CSMD3: variants seen among roughly 807,000 people sequenced by gnomAD.
CSMD3 encodes the protein CUB and Sushi multiple domains 3, also known as CUB and sushi domain-containing protein 3.
In CSMD3, 177 loss-of-function variants were observed where a neutral mutation model predicts 435.2. That is an observed-to-expected ratio of 0.41 (90% CI 0.36 to 0.46). CSMD3 has a LOEUF of 0.46. Among genes scored for constraint, CSMD3 ranks in the 20% least tolerant of loss-of-function variants. The pLI, the probability that CSMD3 is intolerant of heterozygous loss-of-function variation, is 0.34. For synonymous variants in CSMD3, 1,656 were observed against 1,520.5 expected, an observed-to-expected ratio of 1.09 and a Z score of -2.07; for missense variants, 4,265 against 4,504.6, an observed-to-expected ratio of 0.95 and a Z score of 1.52.
intron 1 of CSMD3, among the ~76,000 whole-genome samples, chr8:113,340,631 T>C (rs573038313): frequency 6.6e-6 from 1 of 152,206 alleles, no homozygotes; most frequent in East Asian, 1.9e-4. Context: ...TCCCAGCACT[T>C]TGAGAGGCGA....
chr8:113,006,266 T>G (rs2086051505), intron 6 of CSMD3, among the ~76,000 whole-genome samples: 1 of 152,010 alleles, frequency 6.6e-6, no homozygotes, highest in Non-Finnish European at 1.5e-5. Context: ...TCTTGAAGAT[T>G]TGTCTCTATA....
intron 61 of CSMD3, among the ~76,000 whole-genome samples, chr8:112,262,158 T>G (rs553515191): frequency 1.3e-5 from 2 of 152,078 alleles, no homozygotes; most frequent in Non-Finnish European, 2.9e-5. Flanking sequence ...CTGATAAATC[T>G]AGCACTGATT....
chr8:113,292,365 G>C (rs1588454394), intron 2 of CSMD3, among the ~76,000 whole-genome samples: 2 of 151,686 alleles, frequency 1.3e-5, no homozygotes, highest in East Asian at 1.9e-4. Flanking sequence ...TTTTGTAAAT[G>C]ATAAAAATTT....
At chr8:112,347,713 T>C (rs1220663983) in intron 40 of CSMD3, among the ~76,000 whole-genome samples, 3 of 152,224 alleles carry the variant, frequency 2.0e-5, no homozygotes, top group Admixed American at 6.5e-5. Flanking sequence ...ATGAAGTTAG[T>C]ATTTACCAAT....
intron 20 of CSMD3, among the ~76,000 whole-genome samples, chr8:112,644,436 C>T (rs1231161199): frequency 6.6e-6 from 1 of 151,884 alleles, no homozygotes; most frequent in Non-Finnish European, 1.5e-5. Context: ...TTACAGATTC[C>T]TTTCAAAACA....
intron 2 of CSMD3, among the ~76,000 whole-genome samples, chr8:113,304,741 A>T (rs1407489069): frequency 0.029 from 3,583 of 121,646 alleles, 65 homozygotes; most frequent in Non-Finnish European, 0.039. Context: ...AGGAAGGGGA[A>T]TATCACACTC....
intron 10 of CSMD3, among the ~76,000 whole-genome samples, chr8:112,877,902 T>C (rs1009958133): frequency 2.6e-5 from 4 of 152,130 alleles, no homozygotes; most frequent in Non-Finnish European, 4.4e-5. Flanking sequence ...CCTTACACCT[T>C]ATACAAAAAT....
intron 13 of CSMD3, among the ~76,000 whole-genome samples, chr8:112,783,592 T>C (rs2132257187): frequency 6.6e-6 from 1 of 152,076 alleles, no homozygotes; most frequent in East Asian, 1.9e-4. Flanking sequence ...TTCTTACTTA[T>C]CAATAATAAC....
At chr8:112,871,735 CAATGAT>C (rs1428544590) in intron 10 of CSMD3, among the ~76,000 whole-genome samples, 1 of 152,018 alleles carries the variant, frequency 6.6e-6, no homozygotes, top group Non-Finnish European at 1.5e-5. Context: ...TGTATACTTT[CAATGAT>C]TATGTTCAAA....
At chr8:113,388,174 T>C (rs2094447302) in intron 1 of CSMD3, among the ~76,000 whole-genome samples, 1 of 151,686 alleles carries the variant, frequency 6.6e-6, no homozygotes, top group African/African-American at 2.4e-5. Flanking sequence ...AGATTTTTCA[T>C]AGCGGACATC....
chr8:112,397,060 A>C lies in CSMD3; in HGVS notation c.5810-6272T>G, dbSNP rs191352331. Among the ~76,000 whole-genome samples the C allele has an allele frequency of 1.8e-4, 28 of 152,206 alleles. 1 individual carries two copies. Among genetic ancestry groups the C allele is most frequent in the Admixed American group, 1.4e-3 (21 of 15,278 alleles). ...TTAACGTAAGATAGCTCTGTACTTG[A>C]CTCTCACATTTGAATATTTAAGACA... is the stretch of plus-strand genomic sequence containing the variant. On this transcript the variant is annotated intron_variant, in intron 35 of 70. Transcript: ENST00000297405.
At chr8:112,466,639 A>G (rs2130715552) in intron 32 of CSMD3, among the ~76,000 whole-genome samples, 1 of 152,258 alleles carries the variant, frequency 6.6e-6, no homozygotes, top group South Asian at 2.1e-4. Context: ...CTTATTTTCA[A>G]TCCATTGTTT....
chr8:113,113,451 T>C (rs1329594573), intron 4 of CSMD3, among the ~76,000 whole-genome samples: 2 of 152,266 alleles, frequency 1.3e-5, no homozygotes, highest in South Asian at 2.1e-4. Flanking sequence ...GAAAAAAAGA[T>C]AGAAAATAGC....
intron 4 of CSMD3, among the ~76,000 whole-genome samples, chr8:113,100,604 G>GA (rs565663809): frequency 1.3e-5 from 2 of 151,850 alleles, no homozygotes; most frequent in East Asian, 1.9e-4. Context: ...TCAGATTAAA[G>GA]AAAAAAATCC....
intron 4 of CSMD3, among the ~76,000 whole-genome samples, chr8:113,153,163 GAAGGAAGGAAAGA>G: frequency 7.1e-6 from 1 of 141,808 alleles, no homozygotes; most frequent in Non-Finnish European, 1.5e-5. Flanking sequence ...AGGAAGGAAG[GAAGGAAGGAAAGA>G]AGGAAGGGAG....
At chr8:113,433,504 A>C (rs1024440559) in intron 1 of CSMD3, among the ~76,000 whole-genome samples, 9 of 152,166 alleles carry the variant, frequency 5.9e-5, no homozygotes, top group African/African-American at 2.2e-4. Flanking sequence ...CACTTTTCCA[A>C]AAGACCTCTG....
intron 5 of CSMD3, among the ~76,000 whole-genome samples, chr8:113,062,193 T>C (rs917529059): frequency 3.3e-5 from 5 of 151,984 alleles, no homozygotes; most frequent in Admixed American, 6.6e-5. Flanking sequence ...AATTGGTTTT[T>C]GTACAAAAAA....
At chr8:113,193,175 C>A (rs1465094029) in intron 3 of CSMD3, among the ~76,000 whole-genome samples, 2 of 151,014 alleles carry the variant, frequency 1.3e-5, no homozygotes, top group African/African-American at 4.9e-5. Context: ...TCACTTATTC[C>A]ATCTCGTATT....
intron 1 of CSMD3, among the ~76,000 whole-genome samples, chr8:113,416,313 T>G (rs2129875082): frequency 6.6e-6 from 1 of 152,264 alleles, no homozygotes. Context: ...GAATTTTGCT[T>G]CCTATGTGTC....
Sources: allele counts gnomAD v4.1 joint callset (sites outside exome capture counted in the v4.1 genomes callset), GRCh38; gene constraint gnomAD v4.1.1; transcripts MANE v1.5; gene names NCBI Gene and HGNC (gene_info 2026-07-23, HGNC 2026-07-21).